LARS1: variants seen among roughly 807,000 people sequenced by gnomAD.
LARS1 encodes leucine--tRNA ligase, cytoplasmic.
LARS1 carries 100 observed loss-of-function variants against 162.8 expected under a neutral mutation model. The observed-to-expected ratio is 0.61, with a 90% CI of 0.52 to 0.73. The LOEUF (loss-of-function observed/expected upper bound fraction) is 0.73. Among genes scored for constraint, LARS1 ranks in the 30% least tolerant of loss-of-function variants. The pLI is 0.00. For synonymous variants in LARS1, 457 were observed against 462.8 expected (o/e 0.99, Z 0.16); for missense variants, 1,258 against 1,408.9 (o/e 0.89, Z 1.71).
intron 20 of LARS1, among the ~76,000 whole-genome samples, chr5:146,140,621 G>A (rs1752729965): frequency 6.6e-6 from 1 of 152,150 alleles, no homozygotes; most frequent in African/African-American, 2.4e-5. Flanking sequence ...GCCTGGCCAG[G>A]AGGGTGAAGC....
Position 146,133,023 on chromosome 5 carries a change from T to C in LARS1, c.2271A>G (p.Glu757=), listed in dbSNP as rs768795113. 6.2e-7 allele frequency: 1 copy of C among 1,614,066 alleles called. No individual in the cohort carries two copies. Among genetic ancestry groups the C allele is most frequent in the Non-Finnish European group, 8.5e-7 (1 of 1,179,964 alleles). The part of the protein sequence containing the change: ...GDTVEDANFV[E]AMADAGILRL... The stretch of plus-strand genomic sequence containing the variant: ...GGAGAATACCTGCATCTGCCATGGC[T>C]TCCACAAAGTTGGCATCTTCTACAG... Residue 757 remains glutamate, a synonymous_variant, in exon 23 of 32, where the codon GAA becomes GAG. Transcript: ENST00000394434.
At chr5:146,150,942 GACACACACACACACACACACAC>G (rs3995492) in intron 14 of LARS1, among the ~76,000 whole-genome samples, 1 of 134,808 alleles carries the variant, frequency 7.4e-6, no homozygotes, top group Non-Finnish European at 1.6e-5. Flanking sequence ...CCGTCAGATA[GACACACACACACACACACACAC>G]ACACACACAC....
chr5:146,178,504 C>T (rs1201556853), intron 1 of LARS1, among the ~76,000 whole-genome samples: 1 of 151,818 alleles, frequency 6.6e-6, no homozygotes, highest in Admixed American at 6.6e-5. Flanking sequence ...ATCCCAGCTA[C>T]TTGGGAGGCT....
At chr5:146,178,156 A>C (rs1467781353) in intron 1 of LARS1, among the ~76,000 whole-genome samples, 1 of 152,208 alleles carries the variant, frequency 6.6e-6, no homozygotes, top group Non-Finnish European at 1.5e-5. Flanking sequence ...AAATGGTTGA[A>C]CAATTACTGA....
In LARS1 at chr5:146,177,192, C is replaced by T. The variant is rs556655147; in HGVS notation, c.125+355G>A. 6.6e-5 allele frequency among the ~76,000 whole-genome samples: 10 copies of T among 152,176 alleles called. No individual in the cohort carries two copies. In the East Asian group the frequency reaches 1.5e-3, roughly 23 times the overall value. On this transcript the variant is annotated intron_variant, in intron 2 of 31. Transcript: ENST00000394434. ...TAGAAATACAATGCACAGGGCCGGG[C>T]GTGGTGGCTCACGCCTGTAATCCCA...
Position 146,157,383 on chromosome 5 carries a change from A to C in LARS1, c.1065+20T>G. 6.3e-7 allele frequency: 1 copy of C among 1,598,608 alleles called. No individual in the cohort carries two copies. Among genetic ancestry groups the C allele is most frequent in the South Asian group, 1.1e-5 (1 of 89,920 alleles). On this transcript the variant is annotated intron_variant, in intron 10 of 31. Transcript: ENST00000394434. ...CTTGAAATTTACGCATTAAAATAAA[A>C]AATCTGCTATCCAACTTACCTCCCC...
At chr5:146,172,090 C>T (rs1253490107) in intron 3 of LARS1, 100 bp from the exon 4 acceptor site, 1 of 1,043,626 alleles carries the variant, frequency 9.6e-7, no homozygotes, top group East Asian at 2.6e-5. Flanking sequence ...TCTTTACATC[C>T]TCCTTTGGAA....
At chr5:146,177,477 AAAAAAAATAT>A (rs1408476546) in intron 2 of LARS1, 60 bp downstream of exon 2, 7 of 145,872 alleles carry the variant, frequency 4.8e-5, no homozygotes, top group Non-Finnish European at 8.6e-5. Flanking sequence ...AAAAAAAAAA[AAAAAAAATAT>A]ATATATATAT....
chr5:146,125,538 G>A (rs1395135594), intron 28 of LARS1, among the ~76,000 whole-genome samples: 1 of 151,922 alleles, frequency 6.6e-6, no homozygotes, highest in African/African-American at 2.4e-5. Context: ...ACTTAAGTGT[G>A]TTAGGTACAC....
chr5:146,155,424 A>C (rs879600617), intron 10 of LARS1, among the ~76,000 whole-genome samples: 1 of 152,256 alleles, frequency 6.6e-6, no homozygotes, highest in Non-Finnish European at 1.5e-5. Flanking sequence ...ATATGTTACA[A>C]GAACAAGAAT....
intron 26 of LARS1, 65 bp from the exon 27 acceptor site, chr5:146,128,847 C>G: frequency 6.8e-7 from 1 of 1,463,398 alleles, no homozygotes. Context: ...GAGAAGAACC[C>G]TCCCCCAACA....
chr5:146,179,402 T>C (rs1256034848), intron 1 of LARS1, among the ~76,000 whole-genome samples: 1 of 152,030 alleles, frequency 6.6e-6, no homozygotes, highest in African/African-American at 2.4e-5. Flanking sequence ...CCTCAGGTGG[T>C]CCACCCGTCT....
rs753254986 is a variant in LARS1 at position 146,128,857 on chromosome 5, A to T, written c.2770-75T>A. The T allele has an allele frequency of 5.6e-6, 8 of 1,424,346 alleles. No homozygotes were observed. In the African/African-American group the frequency reaches 7.2e-5, roughly 13 times the overall value. The allele number at this position is 1,424,346 out of a possible 1,614,324, so 88.2% of individuals were successfully genotyped here. ...AAAATGAGAAGAACCCTCCCCCAAC[A>T]TACACCACCACGGTCTTCACCATTA... On this transcript the variant is annotated intron_variant, in intron 26 of 31. Transcript: ENST00000394434.
chr5:146,158,428 T>C (rs1312968987), intron 8 of LARS1, among the ~76,000 whole-genome samples: 1 of 152,224 alleles, frequency 6.6e-6, no homozygotes, highest in Non-Finnish European at 1.5e-5. Context: ...TTTGAAAATA[T>C]GTTCAAAGAT....
intron 1 of LARS1, chr5:146,179,647 G>T: frequency 2.3e-6 from 1 of 431,652 alleles, no homozygotes. Flanking sequence ...CACCCAGGCT[G>T]GAGCATAATG....
At chr5:146,143,299 A>C in intron 19 of LARS1, 113 bp downstream of exon 19, 1 of 1,408,168 alleles carries the variant, frequency 7.1e-7, no homozygotes, top group Non-Finnish European at 9.6e-7. Flanking sequence ...AAAAGCAAAA[A>C]TATCATGACA....
chr5:146,139,101 G>T, intron 21 of LARS1: 1 of 241,760 alleles, frequency 4.1e-6, no homozygotes, highest in South Asian at 4.5e-5. Flanking sequence ...GCAGCACTTT[G>T]GGAAGCTGAG....
rs1751763424 is a variant in LARS1 at position 146,120,382 on chromosome 5, C to T, written c.3314G>A (p.Arg1105Gln). The T allele has an allele frequency of 6.2e-6, 10 of 1,612,984 alleles. No individual in the cohort carries two copies. Among genetic ancestry groups the T allele is most frequent in the South Asian group, 1.1e-5 (1 of 91,000 alleles). ...SIIRRLMKMN[R>Q]GIKDLSKVKL... ...GGGGAACAACTTACCTTTAATTCCT[C>T]GATTCATTTTCATTAAACGCCTGAT... Residue 1105 changes from arginine (R) to glutamine (Q), a missense_variant, in exon 31 of 32, where the codon CGA becomes CAA. Arg to Gln is a conservative substitution (Grantham distance 43). Transcript: ENST00000394434.
intron 21 of LARS1, among the ~76,000 whole-genome samples, chr5:146,136,476 T>C (rs915947433): frequency 6.8e-6 from 1 of 147,544 alleles, no homozygotes; most frequent in Non-Finnish European, 1.5e-5. Context: ...AATATACAGA[T>C]TACCTATTTT....
Sources: allele counts gnomAD v4.1 joint callset (sites outside exome capture counted in the v4.1 genomes callset), GRCh38; gene constraint gnomAD v4.1.1; transcripts MANE v1.5; gene names NCBI Gene and HGNC (gene_info 2026-07-23, HGNC 2026-07-21).